SDK1: variants seen among roughly 807,000 people sequenced by gnomAD.
The protein encoded by SDK1 is sidekick cell adhesion molecule 1.
Under a neutral mutation model 245.5 loss-of-function variants are expected in SDK1, and 157 were observed. The ratio of observed to expected loss-of-function variants is 0.64; its 90% confidence interval spans 0.56 to 0.73. SDK1 has a LOEUF of 0.73. Among genes scored for constraint, SDK1 ranks in the 30% least tolerant of loss-of-function variants. The pLI, the probability that SDK1 is intolerant of heterozygous loss-of-function variation, is 0.00. For synonymous variants in SDK1, 1,647 were observed against 1,278.5 expected, an observed-to-expected ratio of 1.29 and a Z score of -6.15; for missense variants, 3,583 against 3,002.3, an observed-to-expected ratio of 1.19 and a Z score of -4.52.
rs749991713 is a variant in SDK1, at chr7:4,065,694, G to GTTTTTTTT, written c.2912-2116_2912-2109dup. Among the ~76,000 whole-genome samples the GTTTTTTTT allele has an allele frequency of 1.6e-3, 107 of 66,686 alleles. 6 individuals are homozygous for GTTTTTTTT. Among genetic ancestry groups the GTTTTTTTT allele is most frequent in the Admixed American group, 3.2e-3 (12 of 3,698 alleles). 43.7% of individuals were successfully genotyped at this position (66,686 alleles called of 152,430 possible). A position where few individuals can be genotyped will look rare whatever the true frequency, so the allele number is the denominator to read the frequency against. On this transcript the variant is annotated intron_variant, in intron 19 of 44. Coordinates refer to ENST00000404826, the MANE Select transcript of SDK1 (RefSeq NM_152744.4). ...AGTTTCACCCAGATGAGTGGTTGTT[G>GTTTTTTTT]TTTTTTTTTTTTTTTTTTTTTTTTT...
chr7:4,081,601 G>C (rs1331641089), intron 22 of SDK1, among the ~76,000 whole-genome samples: 1 of 151,946 alleles, frequency 6.6e-6, no homozygotes, highest in Non-Finnish European at 1.5e-5. Context: ...TTGTATTTTA[G>C]TAGAGACGGG....
intron 17 of SDK1, among the ~76,000 whole-genome samples, chr7:4,041,751 C>T (rs1024445699): frequency 7.3e-6 from 1 of 136,220 alleles, no homozygotes; most frequent in African/African-American, 3.4e-5. Context: ...TTAATGCATG[C>T]GTGTCGTGAA....
At chr7:3,571,824 C>T (rs932192423) in intron 1 of SDK1, among the ~76,000 whole-genome samples, 16 of 151,926 alleles carry the variant, frequency 1.1e-4, no homozygotes, top group African/African-American at 3.4e-4. Flanking sequence ...TGTCTAGTGA[C>T]CTGTTTTCTA....
Position 3,947,948 on chromosome 7 carries a change from T to G in SDK1, c.848-2975T>G, listed in dbSNP as rs111709328. 4.6e-5 allele frequency among the ~76,000 whole-genome samples: 7 copies of G among 152,322 alleles called. 1 individual carries two copies. The highest frequency in any genetic ancestry group is 1.4e-4 in the African/African-American group (6 of 41,578). ...TAGGGAGAGGGGGTATGGTTTTGTT[T>G]CATTTTAAGCCTCTCTGTAATGTTC... is the stretch of plus-strand genomic sequence containing the variant. On this transcript the variant is annotated intron_variant, in intron 5 of 44. Coordinates refer to ENST00000404826, the MANE Select transcript of SDK1 (RefSeq NM_152744.4).
At chr7:3,403,849 AT>A (rs1348649535) in intron 1 of SDK1, among the ~76,000 whole-genome samples, 7 of 97,836 alleles carry the variant, frequency 7.2e-5, no homozygotes, top group African/African-American at 1.1e-4. Flanking sequence ...ATATATATAT[AT>A]ATATATATAT....
At chr7:4,063,843 G>T (rs1052722848) in intron 19 of SDK1, among the ~76,000 whole-genome samples, 2 of 152,050 alleles carry the variant, frequency 1.3e-5, no homozygotes, top group African/African-American at 4.8e-5. Context: ...ACTGATTTTC[G>T]ATAAAGGTGG....
chr7:4,033,270 A>C (rs1787964687), intron 17 of SDK1, among the ~76,000 whole-genome samples: 1 of 152,178 alleles, frequency 6.6e-6, no homozygotes, highest in Non-Finnish European at 1.5e-5. Flanking sequence ...AAAAATACAA[A>C]ACTGTATCCA....
chr7:3,834,023 G>C (rs1002070989), intron 5 of SDK1, among the ~76,000 whole-genome samples: 1 of 152,174 alleles, frequency 6.6e-6, no homozygotes, highest in Non-Finnish European at 1.5e-5. Context: ...AGGATACTGA[G>C]GGATGCATAT....
chr7:3,343,659 G>A (rs78989867), intron 1 of SDK1, among the ~76,000 whole-genome samples: 3,336 of 152,222 alleles, frequency 0.022, 136 homozygotes, highest in African/African-American at 0.075. Flanking sequence ...GGTCAAGGGT[G>A]AATGGGATCT....
At chr7:4,231,062 G>A (rs1288060015) in intron 40 of SDK1, among the ~76,000 whole-genome samples, 1 of 152,128 alleles carries the variant, frequency 6.6e-6, no homozygotes, top group African/African-American at 2.4e-5. Context: ...CAGAGTAAAT[G>A]CACAAGCCTT....
chr7:4,225,640 C>G (rs936939304), intron 40 of SDK1, among the ~76,000 whole-genome samples: 5 of 152,172 alleles, frequency 3.3e-5, no homozygotes, highest in Admixed American at 2.6e-4. Context: ...CCTGGCAGGC[C>G]GTGCGGATTA....
chr7:4,212,445 G>A (rs992141493), intron 38 of SDK1, among the ~76,000 whole-genome samples: 7 of 152,154 alleles, frequency 4.6e-5, no homozygotes, highest in African/African-American at 7.2e-5. Flanking sequence ...TTAGACAATC[G>A]ATGGACTTTG....
At chr7:3,923,133 G>C (rs1278225583) in intron 5 of SDK1, among the ~76,000 whole-genome samples, 1 of 152,198 alleles carries the variant, frequency 6.6e-6, no homozygotes, top group Non-Finnish European at 1.5e-5. Context: ...TATTTACAGT[G>C]TGTTATTGAC....
At chr7:4,161,968 A>T in intron 32 of SDK1, 112 bp downstream of exon 32, 1 of 924,250 alleles carries the variant, frequency 1.1e-6, no homozygotes, top group South Asian at 1.4e-5. Flanking sequence ...TAAGCGTTTG[A>T]GAGTAGAACC....
chr7:4,256,795 T>G (rs1365546104), intron 44 of SDK1, among the ~76,000 whole-genome samples: 1 of 152,164 alleles, frequency 6.6e-6, no homozygotes, highest in Non-Finnish European at 1.5e-5. Flanking sequence ...CCCTTTGTGG[T>G]CTCTGCTAGA....
chr7:3,685,321 C>T (rs1377508016), intron 4 of SDK1, among the ~76,000 whole-genome samples: 1 of 151,610 alleles, frequency 6.6e-6, no homozygotes, highest in Non-Finnish European at 1.5e-5. Flanking sequence ...TTTTCAATCA[C>T]CAAAAGAAAA....
intron 1 of SDK1, among the ~76,000 whole-genome samples, chr7:3,347,099 G>T (rs1780528608): frequency 6.6e-6 from 1 of 151,448 alleles, no homozygotes; most frequent in Admixed American, 6.6e-5. Context: ...GCTTCTGTTG[G>T]TTGCCCATGC....
intron 43 of SDK1, among the ~76,000 whole-genome samples, chr7:4,242,906 C>T (rs560427870): frequency 6.6e-6 from 1 of 152,210 alleles, no homozygotes; most frequent in Non-Finnish European, 1.5e-5. Context: ...GGCCTTCTCC[C>T]AGCCACTGAC....
At chr7:4,263,305 C>T (rs1583202056) in intron 44 of SDK1, among the ~76,000 whole-genome samples, 1 of 150,658 alleles carries the variant, frequency 6.6e-6, no homozygotes, top group African/African-American at 2.4e-5. Context: ...CCCTGGGGCT[C>T]TTCTATGTTC....
Sources: allele counts gnomAD v4.1 joint callset (sites outside exome capture counted in the v4.1 genomes callset), GRCh38; gene constraint gnomAD v4.1.1; transcripts MANE v1.5; gene names NCBI Gene and HGNC (gene_info 2026-07-23, HGNC 2026-07-21).